The following NTM variants were observed in gnomAD, a reference collection of about 807,000 sequenced individuals.
The protein encoded by NTM is neurotrimin.
A neutral mutation model predicts 42.1 loss-of-function variants in NTM; 13 were observed. The observed-to-expected ratio is 0.31, with a 90% CI of 0.20 to 0.49. NTM has a LOEUF of 0.49. NTM is among the 20% of genes least tolerant of loss of function. The pLI is 0.99. For synonymous variants in NTM, 187 were observed against 179.2 expected (o/e 1.04, Z -0.35); for missense variants, 373 against 452.8 (o/e 0.82, Z 1.60).
At chr11:131,754,870 T>C (rs970046907) in intron 1 of NTM, among the ~76,000 whole-genome samples, 4 of 152,192 alleles carry the variant, frequency 2.6e-5, no homozygotes, top group Non-Finnish European at 5.9e-5. Flanking sequence ...AATGCGCTAT[T>C]GATACAAGCA....
chr11:131,884,279 C>CA (rs1188572916), intron 1 of NTM, among the ~76,000 whole-genome samples: 1 of 152,044 alleles, frequency 6.6e-6, no homozygotes, highest in Non-Finnish European at 1.5e-5. Context: ...CATGGTGGTG[C>CA]ATGCCTGTAA....
chr11:131,911,694 C>A (rs60850004), intron 2 of NTM, 46 bp downstream of exon 2: 30 of 1,606,264 alleles, frequency 1.9e-5, no homozygotes, highest in Non-Finnish European at 2.6e-5. Flanking sequence ...TGTATGGGGT[C>A]GGGGTAAGGG....
chr11:131,500,487 A>G (rs1023865326), intron 1 of NTM, among the ~76,000 whole-genome samples: 25 of 149,876 alleles, frequency 1.7e-4, no homozygotes. Flanking sequence ...TACAGATGAG[A>G]TAACTGAGGC....
intron 1 of NTM, among the ~76,000 whole-genome samples, chr11:131,696,467 T>C (rs566525092): frequency 2.0e-5 from 3 of 152,324 alleles, no homozygotes; most frequent in African/African-American, 7.2e-5. Context: ...CAAGCCTGGA[T>C]CAGACCACAC....
intron 4 of NTM, among the ~76,000 whole-genome samples, chr11:132,256,219 A>T (rs2092456628): frequency 6.6e-6 from 1 of 151,978 alleles, no homozygotes; most frequent in African/African-American, 2.4e-5. Context: ...TTTTCATATT[A>T]TTTTCCAAAT....
chr11:132,129,047 G>A (rs1048525413), intron 2 of NTM, among the ~76,000 whole-genome samples: 12 of 151,782 alleles, frequency 7.9e-5, no homozygotes, highest in Non-Finnish European at 1.6e-4. Context: ...AGTCCCAGCA[G>A]GTTATTGAGT....
At chr11:131,838,072 A>T (rs2043741281) in intron 1 of NTM, among the ~76,000 whole-genome samples, 1 of 152,058 alleles carries the variant, frequency 6.6e-6, no homozygotes, top group Non-Finnish European at 1.5e-5. Flanking sequence ...TGGAAAGGAG[A>T]GGGGATTTAG....
chr11:132,170,248 A>C (rs2137821970), intron 3 of NTM, among the ~76,000 whole-genome samples: 1 of 152,352 alleles, frequency 6.6e-6, no homozygotes, highest in East Asian at 1.9e-4. Flanking sequence ...CTAAAGAATA[A>C]TACATGTTCT....
rs141080646 is a variant in NTM at position 131,967,254 on chromosome 11, A to T, written c.167+55606A>T. Among the ~76,000 whole-genome samples the T allele has an allele frequency of 3.1e-3, 471 of 152,316 alleles. 2 individuals carry two copies. Among genetic ancestry groups the T allele is most frequent in the Middle Eastern group, 0.01 (3 of 294 alleles). On this transcript the variant is annotated intron_variant, in intron 2 of 8. Transcript: ENST00000683400. ...ATGGTATTTAAGACTGTGAGATAGA[A>T]GAGATCATCAGATGGAGAATAGAAG...
chr11:131,787,407 G>A (rs1360004696), intron 1 of NTM, among the ~76,000 whole-genome samples: 3 of 111,726 alleles, frequency 2.7e-5, no homozygotes, highest in Non-Finnish European at 6.0e-5. Flanking sequence ...TTGAGACAGA[G>A]TCTCTCTCTG....
At chr11:131,718,471 TA>T (rs1179090039) in intron 1 of NTM, among the ~76,000 whole-genome samples, 1 of 152,222 alleles carries the variant, frequency 6.6e-6, no homozygotes, top group Non-Finnish European at 1.5e-5. Context: ...TACTCATGCG[TA>T]CCCAATTCAA....
intron 2 of NTM, among the ~76,000 whole-genome samples, chr11:132,049,128 C>A (rs12221940): frequency 7.2e-5 from 11 of 152,002 alleles, no homozygotes; most frequent in Admixed American, 6.5e-5. Flanking sequence ...ACTTTGAGGC[C>A]ACACACCTCA....
intron 2 of NTM, among the ~76,000 whole-genome samples, chr11:132,072,140 T>C (rs927071194): frequency 1.3e-5 from 2 of 152,190 alleles, no homozygotes; most frequent in Non-Finnish European, 2.9e-5. Context: ...ACTCTGTGAA[T>C]GAGCCAACCC....
rs2082491401 is a variant in NTM, at chr11:132,209,474, A to G, written c.401-2548A>G. ...CCTATCTGAAGCTCAATGAGGATGG[A>G]AATCTAAAAATGATTAACTGTTGCT... On this transcript the variant is annotated intron_variant, in intron 3 of 8. Coordinates refer to ENST00000683400, the MANE Select transcript of NTM (RefSeq NM_001352005.2). Among the ~76,000 whole-genome samples, 2 of 152,252 alleles carry G rather than the reference A, an allele frequency of 1.3e-5. 1 individual carries two copies. The highest frequency in any genetic ancestry group is 4.1e-4 in the South Asian group (2 of 4,836).
At chr11:131,401,820 A>ATATATATATGTGTG (rs1565465308) in intron 1 of NTM, among the ~76,000 whole-genome samples, 12 of 49,914 alleles carry the variant, frequency 2.4e-4, no homozygotes, top group African/African-American at 7.2e-4. Flanking sequence ...ATATATATAT[A>ATATATATATGTGTG]TATATATATA....
At chr11:131,539,617 CAAG>C (rs1425536323) in intron 1 of NTM, 7 of 152,188 alleles carry the variant, frequency 4.6e-5, no homozygotes, top group African/African-American at 7.2e-5. Context: ...ACCTGAATGA[CAAG>C]AAGAAGTGGG....
chr11:131,428,880 CAAAA>C lies in NTM; in HGVS notation c.82+58014_82+58017del, dbSNP rs35312475. 3.0e-3 allele frequency among the ~76,000 whole-genome samples: 250 copies of C among 83,984 alleles called. 2 individuals carry two copies. The highest frequency in any genetic ancestry group is 0.011 in the African/African-American group (234 of 21,486). The allele number at this position is 83,984 out of a possible 152,430, so 55.1% of individuals were successfully genotyped here. A position where few individuals can be genotyped will look rare whatever the true frequency, so the allele number is the denominator to read the frequency against. ...TGAAACCCCATCTCTACTAAAAATA[CAAAA>C]AAAAAAAAAAAAAAAAAAAAATTAG... On this transcript the variant is annotated intron_variant, in intron 1 of 8. Coordinates refer to ENST00000683400, the MANE Select transcript of NTM (RefSeq NM_001352005.2).
chr11:131,976,456 A>G (rs1318331084), intron 2 of NTM, among the ~76,000 whole-genome samples: 1 of 152,010 alleles, frequency 6.6e-6, no homozygotes, highest in African/African-American at 2.4e-5. Context: ...CCCACTTTCA[A>G]TCATAAGGAG....
Position 132,335,163 on chromosome 11 carries a change from CCA to C in NTM, c.*19_*20del. ...AAATTTTGATGTGAGTGCCACTTCC[CCA>C]CCCGGGAAAGGCTGCCGCCACCACC... On this transcript the variant is annotated 3_prime_UTR_variant, in exon 9 of 9. Transcript: ENST00000683400. 1 of 1,611,162 alleles carries C rather than the reference CCA, an allele frequency of 6.2e-7. No homozygotes were observed. The highest frequency in any genetic ancestry group is 8.5e-7 in the Non-Finnish European group (1 of 1,179,794).
Sources: gnomAD v4.1 joint callset for allele counts (sites outside exome capture counted in the v4.1 genomes callset) on GRCh38, gnomAD v4.1.1 for gene constraint, MANE v1.5 for transcripts, NCBI Gene and HGNC (gene_info 2026-07-23, HGNC 2026-07-21) for gene names.